The following LMBR1 variants were observed in gnomAD, a reference collection of about 807,000 sequenced individuals.
LMBR1 encodes the protein limb region 1 protein homolog.
Under a neutral mutation model 73.9 loss-of-function variants are expected in LMBR1, and 52 were observed. That is an observed-to-expected ratio of 0.70 (90% CI 0.56 to 0.89). LMBR1 has a LOEUF of 0.89. Ranked by LOEUF, LMBR1 falls within the 40% of genes least tolerant of loss-of-function variation. The probability of loss-of-function intolerance (pLI) is 0.00; values close to 1 mark genes in which losing one functional copy is unlikely to be tolerated. For synonymous variants in LMBR1, 215 were observed against 209.4 expected, an observed-to-expected ratio of 1.03 and a Z score of -0.23; for missense variants, 539 against 579.8, an observed-to-expected ratio of 0.93 and a Z score of 0.72.
At chr7:156,691,276 T>G (rs186182567) in intron 15 of LMBR1, among the ~76,000 whole-genome samples, 77 of 152,316 alleles carry the variant, frequency 5.1e-4, no homozygotes, top group African/African-American at 1.8e-3. Context: ...GCTTAGTAAG[T>G]TAAGCAGTAG....
chr7:156,869,386 A>C (rs963088302), intron 1 of LMBR1, among the ~76,000 whole-genome samples: 3 of 152,220 alleles, frequency 2.0e-5, no homozygotes, highest in African/African-American at 7.2e-5. Context: ...TTGGAAACAA[A>C]AGGAAGACTA....
chr7:156,704,671 G>GT (rs1810524725), intron 15 of LMBR1, among the ~76,000 whole-genome samples: 1 of 149,120 alleles, frequency 6.7e-6, no homozygotes, highest in Non-Finnish European at 1.5e-5. Flanking sequence ...TCAATGAGAT[G>GT]TAAGAGAAAT....
chr7:156,745,820 A>G (rs753598638), intron 9 of LMBR1, among the ~76,000 whole-genome samples: 3 of 152,218 alleles, frequency 2.0e-5, no homozygotes, highest in Non-Finnish European at 4.4e-5. Context: ...CCTCTCTTTC[A>G]AAGAACCTGA....
chr7:156,820,316 G>A (rs138474011), intron 4 of LMBR1, among the ~76,000 whole-genome samples: 227 of 152,272 alleles, frequency 1.5e-3, no homozygotes, highest in African/African-American at 5.2e-3. Flanking sequence ...GACAAGGCCA[G>A]CAATACGCCT....
chr7:156,865,437 T>A (rs1798314358), intron 1 of LMBR1, among the ~76,000 whole-genome samples: 1 of 152,234 alleles, frequency 6.6e-6, no homozygotes, highest in Non-Finnish European at 1.5e-5. Context: ...TTAAAGAATT[T>A]CTGAATATAG....
chr7:156,706,490 T>A (rs888074334), intron 15 of LMBR1, among the ~76,000 whole-genome samples: 1 of 152,200 alleles, frequency 6.6e-6, no homozygotes, highest in African/African-American at 2.4e-5. Context: ...ATAAACCATA[T>A]GTTAAAACAC....
At chr7:156,716,720 C>T (rs1248896488) in intron 15 of LMBR1, among the ~76,000 whole-genome samples, 1 of 152,212 alleles carries the variant, frequency 6.6e-6, no homozygotes, top group Non-Finnish European at 1.5e-5. Flanking sequence ...ACTTCACAAA[C>T]ACTACTCTCA....
At chr7:156,839,886 G>GAAGATGGGCAA (rs1838344982) in intron 1 of LMBR1, among the ~76,000 whole-genome samples, 1 of 152,212 alleles carries the variant, frequency 6.6e-6, no homozygotes. Flanking sequence ...CTGGAGTGTA[G>GAAGATGGGCAA]AAGATGGGCC....
chr7:156,696,043 T>C (rs1173049733), intron 15 of LMBR1, among the ~76,000 whole-genome samples: 1 of 152,218 alleles, frequency 6.6e-6, no homozygotes, highest in East Asian at 1.9e-4. Context: ...TATGTCATAC[T>C]ATATTCAAAA....
chr7:156,839,294 C>T (rs376074895), intron 1 of LMBR1, among the ~76,000 whole-genome samples: 4 of 151,944 alleles, frequency 2.6e-5, no homozygotes, highest in Admixed American at 6.6e-5. Flanking sequence ...GGTGATCCAC[C>T]TGTGTCAGCC....
chr7:156,806,596 T>A (rs111633231), intron 4 of LMBR1, among the ~76,000 whole-genome samples: 2 of 139,744 alleles, frequency 1.4e-5, no homozygotes, highest in Non-Finnish European at 3.1e-5. Context: ...TTTTTGTAGA[T>A]GCTTTTTTTT....
At chr7:156,686,716 A>C (rs1035065193) in intron 16 of LMBR1, among the ~76,000 whole-genome samples, 2 of 152,250 alleles carry the variant, frequency 1.3e-5, no homozygotes, top group African/African-American at 4.8e-5. Context: ...AGAATACCTA[A>C]TTCAAAAGCT....
chr7:156,699,324 A>C (rs1225236345), intron 15 of LMBR1, among the ~76,000 whole-genome samples: 2 of 152,142 alleles, frequency 1.3e-5, no homozygotes, highest in Non-Finnish European at 2.9e-5. Context: ...CTATTTAATA[A>C]ATGGTGCTGG....
chr7:156,771,612 A>C (rs941863691), intron 5 of LMBR1, among the ~76,000 whole-genome samples: 4 of 152,128 alleles, frequency 2.6e-5, no homozygotes, highest in African/African-American at 9.7e-5. Flanking sequence ...TGACTAGAAA[A>C]CGCTCAGGAT....
chr7:156,722,367 T>A (rs1230813200), intron 15 of LMBR1, among the ~76,000 whole-genome samples: 1 of 152,166 alleles, frequency 6.6e-6, no homozygotes, highest in Non-Finnish European at 1.5e-5. Context: ...TTCATGACAA[T>A]TCCCTATATT....
At chr7:156,788,184 CA>C (rs1828498960) in intron 5 of LMBR1, among the ~76,000 whole-genome samples, 2 of 152,048 alleles carry the variant, frequency 1.3e-5, no homozygotes, top group Admixed American at 1.3e-4. Flanking sequence ...CCTGGAATCC[CA>C]GCATTTTGGG....
At chr7:156,793,355 A>C (rs1047969909) in intron 5 of LMBR1, among the ~76,000 whole-genome samples, 1 of 152,204 alleles carries the variant, frequency 6.6e-6, no homozygotes, top group Non-Finnish European at 1.5e-5. Flanking sequence ...CTTTCATGTG[A>C]CTGATTTTAA....
intron 10 of LMBR1, among the ~76,000 whole-genome samples, chr7:156,731,017 T>G (rs188912459): frequency 6.6e-6 from 1 of 152,298 alleles, no homozygotes; most frequent in East Asian, 1.9e-4. Flanking sequence ...GTATTGGATT[T>G]ATCAGAAAGA....
chr7:156,876,312 T>C (rs1180085391), intron 1 of LMBR1, among the ~76,000 whole-genome samples: 2 of 152,076 alleles, frequency 1.3e-5, no homozygotes, highest in African/African-American at 2.4e-5. Flanking sequence ...AGCTCCCAAA[T>C]TTACAAAACA....
Sources: gnomAD v4.1 joint callset for allele counts (sites outside exome capture counted in the v4.1 genomes callset) on GRCh38, gnomAD v4.1.1 for gene constraint, MANE v1.5 for transcripts, NCBI Gene and HGNC (gene_info 2026-07-23, HGNC 2026-07-21) for gene names.